The following GALC variants were observed in gnomAD, a reference collection of about 807,000 sequenced individuals.
GALC encodes galactosylceramidase.
In GALC, 77 loss-of-function variants were observed where a neutral mutation model predicts 91.8. The ratio of observed to expected loss-of-function variants is 0.84; its 90% CI spans 0.70 to 1.01. The LOEUF (loss-of-function observed/expected upper bound fraction) is 1.01. GALC is among the 50% of genes least tolerant of loss of function. The probability of loss-of-function intolerance (pLI) is 0.00; values close to 1 mark genes in which losing one functional copy is unlikely to be tolerated. For synonymous variants in GALC, 357 were observed against 306.7 expected (o/e 1.16, Z -1.71); for missense variants, 882 against 855.9 (o/e 1.03, Z -0.38).
chr14:87,987,690 T>C (rs1027305960), intron 3 of GALC: 3 of 161,994 alleles, frequency 1.9e-5, no homozygotes, highest in Non-Finnish European at 2.7e-5. Context: ...CCAATCAAAA[T>C]AGTGACAATG....
intron 10 of GALC, among the ~76,000 whole-genome samples, chr14:87,958,653 C>T (rs1885665737): frequency 6.6e-6 from 1 of 152,048 alleles, no homozygotes; most frequent in African/African-American, 2.4e-5. Flanking sequence ...AGCAGGCACA[C>T]AGACCAATGG....
chr14:87,992,871 C>A (rs1209243921), intron 1 of GALC, 99 bp downstream of exon 1: 27 of 1,405,442 alleles, frequency 1.9e-5, no homozygotes, highest in Admixed American at 3.0e-5. Context: ...GAGAGTGGAG[C>A]CGGTGGAAAC....
chr14:87,976,395 G>A lies in GALC; in HGVS notation c.715C>T (p.Leu239Phe), dbSNP rs1282865033. 1.2e-6 allele frequency: 2 copies of A among 1,613,870 alleles called. No individual in the cohort carries two copies. The highest frequency in any genetic ancestry group is 1.3e-5 in the African/African-American group (1 of 74,904). Residue 239 changes from leucine (L) to phenylalanine (F), a missense_variant, in exon 7 of 17, where the codon CTT becomes TTT. Physicochemically the swap from Leu to Phe is conservative, Grantham distance 22. Coordinates refer to ENST00000261304, the MANE Select transcript of GALC (RefSeq NM_000153.4). ...ACCACCTTGAAGAGTTCGGCATCAA[G>A]GAGCATGGATGCAGAGATGGACTCC... ...LWESISASML[L>F]DAELFKVVDV...
chr14:87,952,385 T>C (rs77476298), intron 10 of GALC: 42,181 of 345,906 alleles, frequency 0.12, 3,115 homozygotes, highest in Non-Finnish European at 0.16. Flanking sequence ...ACACAGAGCA[T>C]AGAGAGGTTT....
intron 7 of GALC, among the ~76,000 whole-genome samples, chr14:87,975,185 G>A (rs1886443547): frequency 6.6e-6 from 1 of 151,990 alleles, no homozygotes; most frequent in Admixed American, 6.6e-5. Context: ...AAGGATAGAT[G>A]AGCAAGTTAT....
chr14:87,993,001 A>T lies in GALC; in HGVS notation c.164T>A (p.Phe55Tyr), dbSNP rs1034543848. 2.0e-5 allele frequency: 30 copies of T among 1,537,402 alleles called. No individual in the cohort carries two copies. The highest frequency in any genetic ancestry group is 2.6e-5 in the Non-Finnish European group (30 of 1,150,212). Residue 55 changes from phenylalanine to tyrosine, a missense_variant, in exon 1 of 17, where the codon TTC (phenylalanine) becomes TAC (tyrosine). By Grantham distance (22) the Phe-to-Tyr change is conservative. Coordinates refer to ENST00000261304, the MANE Select transcript of GALC (RefSeq NM_000153.4). The stretch of plus-strand genomic sequence containing the variant: ...GCCGCTGACCGCGCCGATGCCGTCG[A>T]ACTCCCGGCCCAGCCCGTCGGAGTC... ...LDDSDGLGRE[F>Y]DGIGAVSGGG...
At chr14:87,937,481 A>T (rs1276722826) in intron 16 of GALC, among the ~76,000 whole-genome samples, 1 of 151,954 alleles carries the variant, frequency 6.6e-6, no homozygotes, top group Non-Finnish European at 1.5e-5. Context: ...TAGTTGATGA[A>T]ACACAAAATA....
intron 12 of GALC, 47 bp from the exon 13 acceptor site, chr14:87,947,925 A>G (rs766449014): frequency 6.5e-7 from 1 of 1,539,844 alleles, no homozygotes; most frequent in Non-Finnish European, 9.0e-7. Flanking sequence ...ACTATAGCTC[A>G]TCTCATGTGG....
chr14:87,940,040 A>G, intron 15 of GALC, 59 bp from the exon 16 acceptor site: 1 of 1,374,668 alleles, frequency 7.3e-7, no homozygotes, highest in Non-Finnish European at 1.0e-6. Context: ...TCACAGAATC[A>G]TATAATTCAG....
Position 87,933,376 on chromosome 14 carries a change from T to C in GALC, c.*1356A>G, listed in dbSNP as rs1295234059. On this transcript the variant is annotated 3_prime_UTR_variant, in exon 17 of 17. Coordinates refer to ENST00000261304, the MANE Select transcript of GALC (RefSeq NM_000153.4). ...GACTGGAGTGTTGGTTACATGGGTA[T>C]ATCAATTTATCAAAACTCACTGAAT... The C allele has an allele frequency of 6.6e-6, 1 of 152,574 alleles. No homozygotes were observed. The highest frequency in any genetic ancestry group is 1.5e-5 in the Non-Finnish European group (1 of 68,024). 9.5% of individuals were successfully genotyped at this position (152,574 alleles called of 1,614,324 possible). A position where few individuals can be genotyped will look rare whatever the true frequency, so the allele number is the denominator to read the frequency against.
chr14:87,948,307 T>C (rs745842210), intron 12 of GALC, among the ~76,000 whole-genome samples: 2 of 152,076 alleles, frequency 1.3e-5, no homozygotes, highest in Non-Finnish European at 2.9e-5. Context: ...GAAATCCTTT[T>C]ACAATTAAGA....
At chr14:87,970,875 C>CAAA (rs557589251) in intron 7 of GALC, among the ~76,000 whole-genome samples, 7 of 62,876 alleles carry the variant, frequency 1.1e-4, no homozygotes, top group African/African-American at 2.8e-4. Flanking sequence ...GACTCTGTCT[C>CAAA]AAAAAAAAAA....
At position 87,949,925 on chromosome 14, in the gene GALC, TTTCACTCTGTA is replaced by T; in HGVS notation, c.1252-5_1257del. On this transcript the variant is annotated splice_acceptor_variant and splice_polypyrimidine_tract_variant and coding_sequence_variant and intron_variant, in exon 12 of 17. Coordinates refer to ENST00000261304, the MANE Select transcript of GALC (RefSeq NM_000153.4). LOFTEE classifies it high-confidence loss of function. The stretch of plus-strand genomic sequence containing the variant: ...GTATACCATACCTGTAGCTCTGGTA[TTTCACTCTGTA>T]AAGAAAAGACAAAAAAGCATGGCTG... 1.3e-6 allele frequency: 2 copies of T among 1,552,340 alleles called. No homozygotes were observed. Among genetic ancestry groups the T allele is most frequent in the South Asian group, 2.2e-5 (2 of 89,692 alleles).
At chr14:87,980,882 G>T (rs61536676) in intron 6 of GALC, among the ~76,000 whole-genome samples, 6,187 of 152,274 alleles carry the variant, frequency 0.041, 424 homozygotes, top group African/African-American at 0.14. Flanking sequence ...ATGAAGAGAT[G>T]AAAGAAATGT....
In GALC at chr14:87,983,846, T is replaced by C. The variant is rs369656384; in HGVS notation, c.582+548A>G. Among the ~76,000 whole-genome samples, 4 of 152,338 alleles carry C rather than the reference T, an allele frequency of 2.6e-5. No individual in the cohort carries two copies. The South Asian group carries it at 8.3e-4, about 32-fold the overall frequency. On this transcript the variant is annotated intron_variant, in intron 5 of 16. Transcript: ENST00000261304. ...CAGCCAGCCTGCCAAATCTGGCCCATCATCTGTAATTTTACAACTTGAGAG... is the reference window on the plus strand; with the variant it reads ...CAGCCAGCCTGCCAAATCTGGCCCACCATCTGTAATTTTACAACTTGAGAG...
chr14:87,949,814 C>T, intron 12 of GALC, 31 bp downstream of exon 12: 3 of 1,103,772 alleles, frequency 2.7e-6, no homozygotes, highest in Non-Finnish European at 4.2e-6. Flanking sequence ...TGTTGGAATA[C>T]CCAAAATATA....
In GALC at chr14:87,934,003, G is replaced by A; in HGVS notation, c.*729C>T. The A allele has an allele frequency of 1.3e-6, 2 of 1,534,142 alleles. No individual in the cohort carries two copies. Among genetic ancestry groups the A allele is most frequent in the South Asian group, 1.2e-5 (1 of 84,010 alleles). On this transcript the variant is annotated 3_prime_UTR_variant, in exon 17 of 17. Coordinates refer to ENST00000261304, the MANE Select transcript of GALC (RefSeq NM_000153.4). ...TTTTCTTCCTTCTTCCAGCCACCTGGAAAAACGTTCACAGAGAGTTATAGT... is the reference window on the plus strand; with the variant it reads ...TTTTCTTCCTTCTTCCAGCCACCTGAAAAAACGTTCACAGAGAGTTATAGT...
intron 10 of GALC, chr14:87,953,850 G>A: frequency 6.2e-7 from 1 of 1,610,002 alleles, no homozygotes; most frequent in Non-Finnish European, 8.5e-7. Context: ...TCCATGTCAT[G>A]TGAAGGAAAT....
rs560874719 is a variant in GALC at position 87,988,763 on chromosome 14, G to C, written c.196-240C>G. 2.0e-4 allele frequency among the ~76,000 whole-genome samples: 31 copies of C among 152,276 alleles called. No individual in the cohort carries two copies. In the South Asian group the frequency reaches 6.2e-3, roughly 31 times the overall value. ...CTTCTGGCATGAGGGCTAACTGGGA[G>C]GTAAGCTTGCTAACCTCATGATCAC... On this transcript the variant is annotated intron_variant, in intron 1 of 16. Transcript: ENST00000261304.
Sources: allele counts gnomAD v4.1 joint callset (sites outside exome capture counted in the v4.1 genomes callset), GRCh38; gene constraint gnomAD v4.1.1; transcripts MANE v1.5; gene names NCBI Gene and HGNC (gene_info 2026-07-23, HGNC 2026-07-21).